The following ROBO1 variants were observed in gnomAD, a reference collection of about 807,000 sequenced individuals.
ROBO1 encodes the protein roundabout homolog 1.
A neutral mutation model predicts 195.9 loss-of-function variants in ROBO1; 149 were observed. The ratio of observed to expected loss-of-function variants is 0.76; its 90% confidence interval spans 0.67 to 0.87. The LOEUF is 0.87. Ranked by LOEUF, ROBO1 falls within the 40% of genes least tolerant of loss-of-function variation. The pLI is 0.00. For synonymous variants in ROBO1, 816 were observed against 733.2 expected (o/e 1.11, Z -1.82); for missense variants, 1,933 against 2,068.3 (o/e 0.93, Z 1.27).
chr3:79,189,915 T>A (rs753922031), intron 2 of ROBO1, among the ~76,000 whole-genome samples: 1 of 151,664 alleles, frequency 6.6e-6, no homozygotes, highest in Non-Finnish European at 1.5e-5. Flanking sequence ...ATACACTAAA[T>A]GGATTTACAG....
chr3:79,617,410 A>T (rs142675405), intron 1 of ROBO1, among the ~76,000 whole-genome samples: 162 of 152,284 alleles, frequency 1.1e-3, no homozygotes, highest in African/African-American at 3.7e-3. Flanking sequence ...TATGCCCAAT[A>T]CATTGTTGCA....
chr3:78,715,634 C>A (rs2081883787), intron 7 of ROBO1, among the ~76,000 whole-genome samples: 1 of 152,298 alleles, frequency 6.6e-6, no homozygotes, highest in East Asian at 1.9e-4. Context: ...AGGGCTCAAG[C>A]AATTCTCCTG....
intron 3 of ROBO1, among the ~76,000 whole-genome samples, chr3:78,960,784 AC>A (rs2041295481): frequency 7.3e-5 from 1 of 13,786 alleles, no homozygotes; most frequent in African/African-American, 2.2e-4. Context: ...ATTAAAACAC[AC>A]ACACACACAC....
rs1237556507 is a variant in ROBO1 at position 79,659,739 on chromosome 3, C to A, written c.-50-69778G>T. On this transcript the variant is annotated intron_variant, in intron 1 of 30. Coordinates refer to ENST00000464233, the MANE Select transcript of ROBO1 (RefSeq NM_002941.4). ...CACCATGGAAGAGTTACTAAGCCAC[C>A]ATGTCGACAGTGAGTTGGCCAGTTG... Among the ~76,000 whole-genome samples, 4 of 152,178 alleles carry A rather than the reference C, an allele frequency of 2.6e-5. No homozygotes were observed. In the East Asian group the frequency reaches 7.8e-4, roughly 30 times the overall value.
intron 2 of ROBO1, among the ~76,000 whole-genome samples, chr3:79,254,475 T>C (rs183145690): frequency 1.2e-3 from 180 of 151,836 alleles, no homozygotes; most frequent in Non-Finnish European, 1.4e-3. Flanking sequence ...CACTCACACA[T>C]TCACACACTC....
intron 1 of ROBO1, among the ~76,000 whole-genome samples, chr3:79,622,732 T>A (rs2107985181): frequency 6.6e-6 from 1 of 152,302 alleles, no homozygotes; most frequent in African/African-American, 2.4e-5. Context: ...ACATAGCTTT[T>A]CCTGCTGGTA....
At chr3:78,860,326 A>ATATATATATATATATATATTTTTTTT (rs376853384) in intron 4 of ROBO1, among the ~76,000 whole-genome samples, 1 of 93,506 alleles carries the variant, frequency 1.1e-5, no homozygotes, top group African/African-American at 4.5e-5. Flanking sequence ...ATATATATAT[A>ATATATATATATATATATATTTTTTTT]TTTTTTTTTT....
intron 4 of ROBO1, among the ~76,000 whole-genome samples, chr3:78,895,746 C>G (rs1412942763): frequency 6.6e-6 from 1 of 152,126 alleles, no homozygotes; most frequent in African/African-American, 2.4e-5. Flanking sequence ...TTTTAATTCT[C>G]AACATAATTT....
intron 1 of ROBO1, among the ~76,000 whole-genome samples, chr3:79,755,826 C>T (rs1282806223): frequency 1.3e-5 from 2 of 152,188 alleles, no homozygotes; most frequent in Non-Finnish European, 2.9e-5. Flanking sequence ...TCTCAGCACA[C>T]ATTTTTGTCA....
intron 2 of ROBO1, among the ~76,000 whole-genome samples, chr3:79,342,265 A>G (rs1403781106): frequency 6.6e-6 from 1 of 152,190 alleles, no homozygotes; most frequent in Non-Finnish European, 1.5e-5. Context: ...CATTTGCAGA[A>G]GATTATTTTA....
chr3:79,760,486 C>A (rs1704638109), intron 1 of ROBO1, among the ~76,000 whole-genome samples: 6 of 104,978 alleles, frequency 5.7e-5, no homozygotes, highest in African/African-American at 1.4e-4. Flanking sequence ...AATATATTTC[C>A]AATGCAATAC....
At chr3:79,117,251 T>C (rs1487734280) in intron 3 of ROBO1, among the ~76,000 whole-genome samples, 2 of 152,082 alleles carry the variant, frequency 1.3e-5, no homozygotes, top group East Asian at 1.9e-4. Context: ...GCACCTGTAG[T>C]CCCAGCTACT....
At chr3:78,657,643 A>T (rs1707121257) in intron 17 of ROBO1, among the ~76,000 whole-genome samples, 1 of 152,216 alleles carries the variant, frequency 6.6e-6, no homozygotes, top group Admixed American at 6.5e-5. Flanking sequence ...GTCTATGCAG[A>T]TCAAGAATAA....
At chr3:79,366,655 T>C (rs1200090447) in intron 2 of ROBO1, among the ~76,000 whole-genome samples, 1 of 152,144 alleles carries the variant, frequency 6.6e-6, no homozygotes, top group African/African-American at 2.4e-5. Context: ...ACAGGGCACA[T>C]AACGGCCACC....
intron 4 of ROBO1, among the ~76,000 whole-genome samples, chr3:78,828,875 C>T (rs1177968204): frequency 1.3e-5 from 2 of 152,110 alleles, no homozygotes; most frequent in African/African-American, 4.8e-5. Context: ...ATAAATATTA[C>T]CTAATATAAA....
intron 2 of ROBO1, among the ~76,000 whole-genome samples, chr3:79,221,333 G>A (rs2082134966): frequency 6.6e-6 from 1 of 152,132 alleles, no homozygotes; most frequent in East Asian, 1.9e-4. Context: ...GTCAGTAATT[G>A]AAGAAAATAC....
In ROBO1 at chr3:79,685,922, AAG is replaced by A. The variant is rs537466879; in HGVS notation, c.-51+81828_-51+81829del. Among the ~76,000 whole-genome samples the A allele has an allele frequency of 2.5e-3, 382 of 152,318 alleles. 2 individuals are homozygous for A. The highest frequency in any genetic ancestry group is 8.8e-3 in the African/African-American group (366 of 41,574). ...AGCCTGGCAGAGACAACAACAAAAA[AAG>A]AGAATTTTAGACCAATATCCTTGAT... is the stretch of plus-strand genomic sequence containing the variant. On this transcript the variant is annotated intron_variant, in intron 1 of 30. Transcript: ENST00000464233.
chr3:79,292,751 G>C (rs2032333007), intron 2 of ROBO1, among the ~76,000 whole-genome samples: 1 of 152,118 alleles, frequency 6.6e-6, no homozygotes, highest in Non-Finnish European at 1.5e-5. Flanking sequence ...GGATAAGCTT[G>C]TTGATGTGCT....
At chr3:79,694,172 G>A (rs1374608705) in intron 1 of ROBO1, among the ~76,000 whole-genome samples, 1 of 151,694 alleles carries the variant, frequency 6.6e-6, no homozygotes, top group Non-Finnish European at 1.5e-5. Flanking sequence ...TGGAATGATG[G>A]GAGGATGCAC....
Sources: allele counts gnomAD v4.1 joint callset (sites outside exome capture counted in the v4.1 genomes callset), GRCh38; gene constraint gnomAD v4.1.1; transcripts MANE v1.5; gene names NCBI Gene and HGNC (gene_info 2026-07-23, HGNC 2026-07-21).